The following CNTN5 variants were observed in gnomAD, a reference collection of about 807,000 sequenced individuals.
The protein encoded by CNTN5 is contactin 5.
In CNTN5, 77 loss-of-function variants were observed where a neutral mutation model predicts 129.1. The observed-to-expected ratio is 0.60, with a 90% confidence interval of 0.50 to 0.72. The LOEUF is 0.72. Among genes scored for constraint, CNTN5 ranks in the 30% least tolerant of loss-of-function variants. The pLI is 0.00. For synonymous variants in CNTN5, 509 were observed against 465.6 expected (o/e 1.09, Z -1.20); for missense variants, 1,478 against 1,328.8 (o/e 1.11, Z -1.75).
At chr11:99,717,217 A>G (rs185545903) in intron 3 of CNTN5, among the ~76,000 whole-genome samples, 8 of 152,208 alleles carry the variant, frequency 5.3e-5, no homozygotes, top group African/African-American at 1.7e-4. Flanking sequence ...TAACCTTGCT[A>G]TATCTGTTGA....
intron 3 of CNTN5, among the ~76,000 whole-genome samples, chr11:99,619,684 C>T (rs964884532): frequency 1.3e-5 from 2 of 152,064 alleles, no homozygotes; most frequent in African/African-American, 4.8e-5. Flanking sequence ...TAGAGTGAGT[C>T]TTAAAGATTA....
chr11:99,869,213 A>G (rs1045127165), intron 6 of CNTN5, among the ~76,000 whole-genome samples: 1 of 152,140 alleles, frequency 6.6e-6, no homozygotes, highest in Non-Finnish European at 1.5e-5. Flanking sequence ...TCTCACATAC[A>G]TTTTCATACC....
At chr11:99,972,265 A>C (rs1951284073) in intron 8 of CNTN5, among the ~76,000 whole-genome samples, 1 of 152,032 alleles carries the variant, frequency 6.6e-6, no homozygotes, top group Non-Finnish European at 1.5e-5. Context: ...TGTTTCAAAA[A>C]ATAAGTAAAT....
At chr11:99,480,249 C>T (rs1945539887) in intron 2 of CNTN5, among the ~76,000 whole-genome samples, 1 of 152,094 alleles carries the variant, frequency 6.6e-6, no homozygotes, top group Non-Finnish European at 1.5e-5. Flanking sequence ...TTCTCCATGC[C>T]TTTCCTATGC....
At chr11:99,830,429 A>T (rs1026851278) in intron 4 of CNTN5, among the ~76,000 whole-genome samples, 1 of 152,098 alleles carries the variant, frequency 6.6e-6, no homozygotes, top group Non-Finnish European at 1.5e-5. Context: ...TGATTTATTA[A>T]CAGATTTGAC....
At chr11:99,954,280 CT>C (rs1469581403) in intron 7 of CNTN5, among the ~76,000 whole-genome samples, 1 of 152,138 alleles carries the variant, frequency 6.6e-6, no homozygotes, top group Non-Finnish European at 1.5e-5. Flanking sequence ...TCATTGTCTG[CT>C]GAAATAGGGA....
chr11:99,481,232 A>G (rs1339109231), intron 2 of CNTN5, among the ~76,000 whole-genome samples: 1 of 152,154 alleles, frequency 6.6e-6, no homozygotes, highest in Non-Finnish European at 1.5e-5. Context: ...TTGGAATATT[A>G]CTTTTCTTTA....
At chr11:100,207,714 A>G (rs1408085911) in intron 15 of CNTN5, among the ~76,000 whole-genome samples, 1 of 152,174 alleles carries the variant, frequency 6.6e-6, no homozygotes, top group African/African-American at 2.4e-5. Flanking sequence ...TTAAATACTT[A>G]TGGCTTTCCC....
chr11:100,320,317 A>G (rs2138958418), intron 21 of CNTN5, among the ~76,000 whole-genome samples: 1 of 152,250 alleles, frequency 6.6e-6, no homozygotes, highest in Admixed American at 6.5e-5. Flanking sequence ...ATTTTTCCAT[A>G]TACCTGTTGG....
In CNTN5 at chr11:100,071,696, C is replaced by G. The variant is rs780659406; in HGVS notation, c.1300-9C>G. The G allele has an allele frequency of 1.3e-6, 2 of 1,548,756 alleles. No individual in the cohort carries two copies. Among genetic ancestry groups the G allele is most frequent in the Admixed American group, 2.1e-5 (1 of 47,212 alleles). On this transcript the variant is annotated splice_polypyrimidine_tract_variant and intron_variant, in intron 11 of 24. Coordinates refer to ENST00000524871, the MANE Select transcript of CNTN5 (RefSeq NM_014361.4). The stretch of plus-strand genomic sequence containing the variant: ...CTTTCTAGATCTAATTTTTTTAATT[C>G]CATTACAGAGTAGGGTTGAGATGGT...
intron 9 of CNTN5, among the ~76,000 whole-genome samples, chr11:100,041,828 T>C (rs1942396145): frequency 6.6e-6 from 1 of 152,214 alleles, no homozygotes; most frequent in Admixed American, 6.5e-5. Context: ...ATTAGATTCT[T>C]TGCCTAAGAT....
At chr11:99,322,141 C>T (rs1222896620) in intron 1 of CNTN5, among the ~76,000 whole-genome samples, 1 of 152,100 alleles carries the variant, frequency 6.6e-6, no homozygotes, top group African/African-American at 2.4e-5. Context: ...AGAAAATTTT[C>T]TCATAATTCT....
chr11:99,659,432 G>A (rs1004571132), intron 3 of CNTN5, among the ~76,000 whole-genome samples: 1 of 152,118 alleles, frequency 6.6e-6, no homozygotes, highest in Non-Finnish European at 1.5e-5. Context: ...TGTAAACCGT[G>A]TTTTAATTAA....
At chr11:100,117,978 G>A (rs761350843) in intron 13 of CNTN5, among the ~76,000 whole-genome samples, 6 of 151,504 alleles carry the variant, frequency 4.0e-5, no homozygotes, top group African/African-American at 1.2e-4. Flanking sequence ...GATTCCTGTC[G>A]TGAATTCAAC....
At chr11:99,335,080 A>T (rs1318358907) in intron 2 of CNTN5, among the ~76,000 whole-genome samples, 1 of 152,156 alleles carries the variant, frequency 6.6e-6, no homozygotes, top group African/African-American at 2.4e-5. Flanking sequence ...TTCTAGGCCA[A>T]ATTGGAAAAC....
At chr11:99,340,120 AGAGGGTGG>A (rs1866439653) in intron 2 of CNTN5, among the ~76,000 whole-genome samples, 1 of 152,196 alleles carries the variant, frequency 6.6e-6, no homozygotes, top group African/African-American at 2.4e-5. Context: ...CTTAGGAACT[AGAGGGTGG>A]GAGTTCCCTA....
At chr11:100,152,818 T>C (rs1947114033) in intron 13 of CNTN5, among the ~76,000 whole-genome samples, 1 of 152,098 alleles carries the variant, frequency 6.6e-6, no homozygotes, top group South Asian at 2.1e-4. Flanking sequence ...AAGTATGTTA[T>C]AGCATTCCTG....
At chr11:99,482,163 G>A (rs539668585) in intron 2 of CNTN5, among the ~76,000 whole-genome samples, 4 of 152,184 alleles carry the variant, frequency 2.6e-5, no homozygotes, top group Middle Eastern at 3.4e-3. Context: ...GAATTAGTAC[G>A]CTATACCTTT....
At chr11:99,729,718 C>T (rs141450157) in intron 3 of CNTN5, among the ~76,000 whole-genome samples, 2,375 of 152,068 alleles carry the variant, frequency 0.016, 61 homozygotes, top group African/African-American at 0.054. Flanking sequence ...ACTATGCAGC[C>T]ATAAAAAGGA....
Sources: gnomAD v4.1 joint callset for allele counts (sites outside exome capture counted in the v4.1 genomes callset) on GRCh38, gnomAD v4.1.1 for gene constraint, MANE v1.5 for transcripts, NCBI Gene and HGNC (gene_info 2026-07-23, HGNC 2026-07-21) for gene names.